The following FRMD4A variants were observed in gnomAD, a reference collection of about 807,000 sequenced individuals.
The protein encoded by FRMD4A is FERM domain-containing protein 4A.
In FRMD4A, 29 loss-of-function variants were observed where a neutral mutation model predicts 129.1. The observed-to-expected ratio is 0.22, with a 90% confidence interval of 0.17 to 0.31. The LOEUF (loss-of-function observed/expected upper bound fraction) is 0.31. Among genes scored for constraint, FRMD4A ranks in the 10% least tolerant of loss-of-function variants. FRMD4A has a pLI of 1.00. For synonymous variants in FRMD4A, 634 were observed against 571.6 expected (o/e 1.11, Z -1.56); for missense variants, 1,272 against 1,375.8 (o/e 0.92, Z 1.19).
chr10:13,884,796 T>C (rs2094599035), intron 2 of FRMD4A, among the ~76,000 whole-genome samples: 2 of 152,234 alleles, frequency 1.3e-5, no homozygotes, highest in Admixed American at 1.3e-4. Flanking sequence ...AAGGTAAGAA[T>C]GGCTAGGGTC....
intron 14 of FRMD4A, 142 bp downstream of exon 14, chr10:13,701,198 A>G: frequency 2.9e-6 from 2 of 699,344 alleles, no homozygotes; most frequent in East Asian, 2.5e-5. Flanking sequence ...TCCCATCTGT[A>G]GCCCTAAGAG....
At chr10:13,855,914 TC>T (rs1444834089) in intron 3 of FRMD4A, among the ~76,000 whole-genome samples, 1 of 151,932 alleles carries the variant, frequency 6.6e-6, no homozygotes, top group Admixed American at 6.6e-5. Flanking sequence ...TAATTTTGTT[TC>T]TCCAAGTTTT....
chr10:14,127,487 G>A (rs1564318370), intron 2 of FRMD4A, among the ~76,000 whole-genome samples: 1 of 152,162 alleles, frequency 6.6e-6, no homozygotes, highest in South Asian at 2.1e-4. Flanking sequence ...TGGAGAAGAG[G>A]CCCTTTAAGG....
At chr10:13,754,935 C>T (rs1449386414) in intron 8 of FRMD4A, among the ~76,000 whole-genome samples, 3 of 152,076 alleles carry the variant, frequency 2.0e-5, no homozygotes, top group Admixed American at 2.0e-4. Context: ...AAATATGCCC[C>T]AAATGATCTA....
At chr10:14,229,762 A>G (rs979966236) in intron 2 of FRMD4A, among the ~76,000 whole-genome samples, 1 of 152,178 alleles carries the variant, frequency 6.6e-6, no homozygotes, top group Non-Finnish European at 1.5e-5. Flanking sequence ...TTTTTATTTT[A>G]AAAAGCAAGC....
chr10:14,194,527 C>G (rs1842416482), intron 2 of FRMD4A, among the ~76,000 whole-genome samples: 1 of 152,130 alleles, frequency 6.6e-6, no homozygotes, highest in Non-Finnish European at 1.5e-5. Flanking sequence ...AGGAGAATGG[C>G]GGGAACCCGG....
chr10:13,941,825 G>A (rs1319116140), intron 2 of FRMD4A, among the ~76,000 whole-genome samples: 1 of 152,200 alleles, frequency 6.6e-6, no homozygotes, highest in Non-Finnish European at 1.5e-5. Context: ...AAAACAGAAA[G>A]TCTTAGAGAG....
At chr10:14,051,382 T>C (rs1028729643) in intron 2 of FRMD4A, among the ~76,000 whole-genome samples, 2 of 152,202 alleles carry the variant, frequency 1.3e-5, no homozygotes, top group Non-Finnish European at 2.9e-5. Context: ...AGAGTATCTA[T>C]GGCACAGCCC....
intron 24 of FRMD4A, 199 bp downstream of exon 24, chr10:13,651,704 G>T (rs988663749): frequency 8.6e-6 from 5 of 582,968 alleles, no homozygotes; most frequent in Non-Finnish European, 1.5e-5. Context: ...GTCTTTTCTG[G>T]GAAGCAGTGT....
At chr10:14,168,775 T>C (rs932195603) in intron 2 of FRMD4A, among the ~76,000 whole-genome samples, 1 of 152,198 alleles carries the variant, frequency 6.6e-6, no homozygotes, top group African/African-American at 2.4e-5. Flanking sequence ...TATTACTGCA[T>C]ACATGTTATA....
intron 2 of FRMD4A, among the ~76,000 whole-genome samples, chr10:13,923,323 G>C (rs1313564779): frequency 6.6e-6 from 1 of 152,160 alleles, no homozygotes; most frequent in African/African-American, 2.4e-5. Context: ...ACCCATGACC[G>C]TTATGATGTC....
chr10:13,908,575 C>T (rs1437954998), intron 2 of FRMD4A, among the ~76,000 whole-genome samples: 1 of 152,210 alleles, frequency 6.6e-6, no homozygotes, highest in Non-Finnish European at 1.5e-5. Context: ...AAATATACCA[C>T]AGGATGTGTC....
At chr10:14,243,568 G>A (rs779563662) in intron 2 of FRMD4A, among the ~76,000 whole-genome samples, 2 of 152,076 alleles carry the variant, frequency 1.3e-5, no homozygotes, top group African/African-American at 2.4e-5. Context: ...AATATTATGT[G>A]AGTCCATGTA....
chr10:13,817,329 G>A (rs919406150), intron 3 of FRMD4A, among the ~76,000 whole-genome samples: 1 of 152,246 alleles, frequency 6.6e-6, no homozygotes, highest in Admixed American at 6.5e-5. Flanking sequence ...AGTGGGAACT[G>A]TTCACGTTCC....
At chr10:13,696,354 A>T (rs1004009584) in intron 14 of FRMD4A, among the ~76,000 whole-genome samples, 3 of 152,184 alleles carry the variant, frequency 2.0e-5, no homozygotes, top group Non-Finnish European at 4.4e-5. Context: ...TTTTAATAAA[A>T]AGTAGCCCAC....
At chr10:14,109,173 A>G (rs72776685) in intron 2 of FRMD4A, among the ~76,000 whole-genome samples, 2,104 of 150,426 alleles carry the variant, frequency 0.014, 30 homozygotes, top group Middle Eastern at 0.021. Flanking sequence ...AGAAACAAAT[A>G]TGGACTAGGG....
chr10:14,293,771 C>T (rs964340149), intron 2 of FRMD4A, among the ~76,000 whole-genome samples: 2 of 152,146 alleles, frequency 1.3e-5, no homozygotes, highest in Non-Finnish European at 2.9e-5. Flanking sequence ...AACTCTTGCA[C>T]AGGAAACATA....
intron 2 of FRMD4A, among the ~76,000 whole-genome samples, chr10:13,956,345 T>C (rs1034724239): frequency 6.6e-6 from 1 of 152,084 alleles, no homozygotes; most frequent in Non-Finnish European, 1.5e-5. Flanking sequence ...AGAGATGGGG[T>C]TTCGCCATGT....
At chr10:13,958,615 C>T (rs191180802) in intron 2 of FRMD4A, among the ~76,000 whole-genome samples, 2,109 of 148,488 alleles carry the variant, frequency 0.014, 56 homozygotes, top group African/African-American at 0.048. Context: ...TTTTTTTCCC[C>T]GCTCTTCTTG....
Sources: gnomAD v4.1 joint callset for allele counts (sites outside exome capture counted in the v4.1 genomes callset) on GRCh38, gnomAD v4.1.1 for gene constraint, MANE v1.5 for transcripts, NCBI Gene and HGNC (gene_info 2026-07-23, HGNC 2026-07-21) for gene names.